The following ACSM1 variants were observed in gnomAD, a reference collection of about 807,000 sequenced individuals.
ACSM1 encodes acyl-CoA synthetase medium chain family member 1, also known as acyl-coenzyme A synthetase ACSM1, mitochondrial.
Under a neutral mutation model 75.8 loss-of-function variants are expected in ACSM1, and 79 were observed. The ratio of observed to expected loss-of-function variants is 1.04; its 90% CI spans 0.87 to 1.26. The LOEUF is 1.26. Among genes scored for constraint, ACSM1 ranks in the 50% most tolerant of loss-of-function variants. The pLI is 0.00. For missense variants in ACSM1, 676 were observed against 720.1 expected (o/e 0.94, Z 0.70); for synonymous variants, 279 against 265.8 (o/e 1.05, Z -0.48).
intron 10 of ACSM1, among the ~76,000 whole-genome samples, chr16:20,628,897 A>G (rs1028988062): frequency 2.0e-5 from 3 of 152,190 alleles, no homozygotes; most frequent in Non-Finnish European, 2.9e-5. Flanking sequence ...TTCTTGCTTC[A>G]TGACCGATTC....
chr16:20,649,272 G>T (rs1198253703), intron 7 of ACSM1, among the ~76,000 whole-genome samples: 2 of 152,250 alleles, frequency 1.3e-5, no homozygotes, highest in East Asian at 3.9e-4. Context: ...CATCAGATGG[G>T]TTTTATTTAA....
intron 7 of ACSM1, among the ~76,000 whole-genome samples, chr16:20,652,377 G>A (rs1366796581): frequency 6.6e-6 from 1 of 151,516 alleles, no homozygotes; most frequent in Non-Finnish European, 1.5e-5. Flanking sequence ...ATGAAACAAG[G>A]GAAACCAGGA....
At position 20,657,591 on chromosome 16, in the gene ACSM1, A is replaced by G. The variant is rs184743346; in HGVS notation, c.992+4203T>C. Among the ~76,000 whole-genome samples, 16 of 151,312 alleles carry G rather than the reference A, an allele frequency of 1.1e-4. No homozygotes were observed. The East Asian group carries it at 2.3e-3, about 22-fold the overall frequency. On this transcript the variant is annotated intron_variant, in intron 7 of 13. Transcript: ENST00000520010. Reference sequence around the variant, plus strand: ...CCCAAAGTGCTGGGATTACAGGCATAAGCCACTGTGCCCAATGTTTTTTTT... The same window carrying G: ...CCCAAAGTGCTGGGATTACAGGCATGAGCCACTGTGCCCAATGTTTTTTTT...
Position 20,669,856 on chromosome 16 carries a change from G to T in ACSM1, c.883C>A (p.Pro295Thr), listed in dbSNP as rs781500590. Residue 295 changes from proline to threonine, a missense_variant, in exon 6 of 14, where the codon CCA (proline) becomes ACA (threonine). By Grantham distance (38) the Pro-to-Thr change is conservative. Transcript: ENST00000520010. ...AGCTVFIHHL[P>T]QFDTKVIIQT... ...ATGATGACCTTGGTGTCAAACTGTG[G>T]CAGATGGTGGATAAAGACTGTACAA... The T allele has an allele frequency of 6.2e-7, 1 of 1,613,916 alleles. No individual in the cohort carries two copies. The highest frequency in any genetic ancestry group is 8.5e-7 in the Non-Finnish European group (1 of 1,179,900).
chr16:20,643,342 C>T (rs1052913142), intron 7 of ACSM1, among the ~76,000 whole-genome samples: 18 of 152,178 alleles, frequency 1.2e-4, no homozygotes, highest in African/African-American at 3.4e-4. Flanking sequence ...CACCACTTGG[C>T]GATAGGTGAT....
At chr16:20,686,148 ATAT>A (rs2079550189) in intron 2 of ACSM1, among the ~76,000 whole-genome samples, 4 of 152,244 alleles carry the variant, frequency 2.6e-5, no homozygotes, top group Admixed American at 6.5e-5. Flanking sequence ...TGCTCAATAA[ATAT>A]TATTATTATC....
At chr16:20,630,876 C>A (rs752591580) in intron 10 of ACSM1, among the ~76,000 whole-genome samples, 1 of 152,312 alleles carries the variant, frequency 6.6e-6, no homozygotes, top group African/African-American at 2.4e-5. Context: ...TAAAAAATCA[C>A]AAATTTTCCC....
chr16:20,636,595 T>G (rs1052087074), intron 10 of ACSM1, 144 bp downstream of exon 10: 3 of 638,420 alleles, frequency 4.7e-6, no homozygotes, highest in Non-Finnish European at 8.3e-6. Context: ...GATGGGAGAA[T>G]GCACGGTGAG....
chr16:20,655,148 A>T (rs1056531485), intron 7 of ACSM1, among the ~76,000 whole-genome samples: 1 of 151,456 alleles, frequency 6.6e-6, no homozygotes, highest in Non-Finnish European at 1.5e-5. Flanking sequence ...TATCACAAGG[A>T]CAAAAAACCA....
chr16:20,686,234 C>T (rs1375436508), intron 2 of ACSM1, among the ~76,000 whole-genome samples: 1 of 151,948 alleles, frequency 6.6e-6, no homozygotes, highest in African/African-American at 2.4e-5. Flanking sequence ...TTAAGTTACT[C>T]TTAGAGGTGA....
intron 7 of ACSM1, among the ~76,000 whole-genome samples, chr16:20,641,866 C>T (rs548187311): frequency 2.0e-5 from 3 of 152,250 alleles, no homozygotes; most frequent in South Asian, 2.1e-4. Context: ...CACCCAAGAA[C>T]GTGTAAAAGA....
intron 7 of ACSM1, among the ~76,000 whole-genome samples, chr16:20,640,963 A>G (rs2018022317): frequency 6.6e-6 from 1 of 152,214 alleles, no homozygotes; most frequent in South Asian, 2.1e-4. Flanking sequence ...TCTTAAGGAC[A>G]TGCTAGGGTG....
intron 2 of ACSM1, 138 bp from the exon 3 acceptor site, chr16:20,685,541 G>A: frequency 2.5e-6 from 2 of 804,142 alleles, no homozygotes; most frequent in South Asian, 3.3e-5. Context: ...CATTTATACA[G>A]CCAGGCGCAG....
chr16:20,628,971 AC>A (rs1349392020), intron 10 of ACSM1, among the ~76,000 whole-genome samples: 2 of 152,186 alleles, frequency 1.3e-5, no homozygotes, highest in Non-Finnish European at 2.9e-5. Context: ...CCCGAAAAAA[AC>A]ATTTTAAAAA....
At chr16:20,677,573 A>C (rs1357733910) in intron 4 of ACSM1, among the ~76,000 whole-genome samples, 1 of 152,208 alleles carries the variant, frequency 6.6e-6, no homozygotes, top group African/African-American at 2.4e-5. Flanking sequence ...TGATAGATGA[A>C]GTGTTCTCAA....
intron 5 of ACSM1, among the ~76,000 whole-genome samples, chr16:20,670,926 T>C (rs1412455425): frequency 2.0e-5 from 3 of 152,164 alleles, no homozygotes; most frequent in South Asian, 2.1e-4. Context: ...AAGAATTTGG[T>C]CCATTCTGAA....
chr16:20,672,471 A>AAAAATATATATATAT (rs1555473775), intron 4 of ACSM1, among the ~76,000 whole-genome samples: 7 of 64,568 alleles, frequency 1.1e-4, no homozygotes, highest in South Asian at 5.7e-4. Context: ...AAAAAAAAAA[A>AAAAATATATATATAT]ATATATATAT....
chr16:20,663,144 C>A (rs2019383245), intron 6 of ACSM1, among the ~76,000 whole-genome samples: 1 of 152,160 alleles, frequency 6.6e-6, no homozygotes, highest in South Asian at 2.1e-4. Flanking sequence ...GGCATAAAAC[C>A]CCTTGTGGCC....
intron 2 of ACSM1, among the ~76,000 whole-genome samples, chr16:20,686,810 G>A (rs202077465): frequency 3.1e-4 from 45 of 146,644 alleles, no homozygotes; most frequent in Non-Finnish European, 3.1e-4. Context: ...TCTCAAAAAA[G>A]AAAAAAAAAA....
Sources: gnomAD v4.1 joint callset for allele counts (sites outside exome capture counted in the v4.1 genomes callset) on GRCh38, gnomAD v4.1.1 for gene constraint, MANE v1.5 for transcripts, NCBI Gene and HGNC (gene_info 2026-07-23, HGNC 2026-07-21) for gene names.